KCNJ6: variants seen among roughly 807,000 people sequenced by gnomAD.
The protein encoded by KCNJ6 is potassium inwardly rectifying channel subfamily J member 6.
Under a neutral mutation model 34.2 loss-of-function variants are expected in KCNJ6, and 9 were observed. The ratio of observed to expected loss-of-function variants is 0.26; its 90% CI spans 0.16 to 0.46. The LOEUF is 0.46. Ranked by LOEUF, KCNJ6 falls within the 20% of genes least tolerant of loss-of-function variation. KCNJ6 has a pLI of 1.00. For synonymous variants in KCNJ6, 196 were observed against 207.1 expected (o/e 0.95, Z 0.46); for missense variants, 236 against 531.3 (o/e 0.44, Z 5.46).
intron 3 of KCNJ6, among the ~76,000 whole-genome samples, chr21:37,639,224 T>C (rs2054370838): frequency 6.6e-6 from 1 of 152,240 alleles, no homozygotes; most frequent in South Asian, 2.1e-4. Context: ...TCCTTTGATT[T>C]TTCACTAGGA....
intron 2 of KCNJ6, among the ~76,000 whole-genome samples, chr21:37,796,887 G>A (rs2055245888): frequency 1.5e-5 from 2 of 137,374 alleles, no homozygotes; most frequent in South Asian, 2.4e-4. Flanking sequence ...TCCGCTTCCC[G>A]GGTTCACGCC....
Position 37,753,439 on chromosome 21 carries a change from G to A in KCNJ6, c.26-38308C>T, listed in dbSNP as rs386818402. On this transcript the variant is annotated intron_variant, in intron 2 of 3. Transcript: ENST00000609713. ...CTTCAACCAGGCGTAAATTGCAAAG[G>A]GCAGCAGAGTGTTCTGTTCGCACAT... Among the ~76,000 whole-genome samples the A allele has an allele frequency of 2.1e-3, 318 of 152,274 alleles. 2 individuals carry two copies. Among genetic ancestry groups the A allele is most frequent in the African/African-American group, 7.3e-3 (305 of 41,558 alleles).
At chr21:37,874,761 T>C (rs183818705) in intron 1 of KCNJ6, among the ~76,000 whole-genome samples, 66 of 152,328 alleles carry the variant, frequency 4.3e-4, no homozygotes, top group Non-Finnish European at 9.1e-4. Flanking sequence ...AGAGTCACTA[T>C]GTCTGTCCCT....
chr21:37,707,080 C>T (rs2123443066), intron 3 of KCNJ6, among the ~76,000 whole-genome samples: 2 of 143,012 alleles, frequency 1.4e-5, no homozygotes, highest in South Asian at 4.8e-4. Context: ...CTCATTAATT[C>T]AGATCCCATC....
At chr21:37,901,607 C>T (rs1339135128) in intron 1 of KCNJ6, among the ~76,000 whole-genome samples, 2 of 152,134 alleles carry the variant, frequency 1.3e-5, no homozygotes, top group Non-Finnish European at 2.9e-5. Flanking sequence ...TTGACTCAAC[C>T]AGGAATAAAC....
At chr21:37,668,802 C>G (rs1225773066) in intron 3 of KCNJ6, among the ~76,000 whole-genome samples, 1 of 152,184 alleles carries the variant, frequency 6.6e-6, no homozygotes, top group Non-Finnish European at 1.5e-5. Context: ...TATATACTGA[C>G]TCTAGTATAA....
chr21:37,684,948 A>T (rs574969162), intron 3 of KCNJ6, among the ~76,000 whole-genome samples: 1 of 152,378 alleles, frequency 6.6e-6, no homozygotes, highest in Non-Finnish European at 1.5e-5. Context: ...ACTACATAAA[A>T]TAAATATATT....
At chr21:37,833,359 T>C (rs754046454) in intron 2 of KCNJ6, among the ~76,000 whole-genome samples, 41 of 152,180 alleles carry the variant, frequency 2.7e-4, no homozygotes, top group Non-Finnish European at 2.9e-5. Context: ...CTCTGTCTTC[T>C]GGTGACCATA....
At chr21:37,787,069 C>T (rs958378333) in intron 2 of KCNJ6, among the ~76,000 whole-genome samples, 1 of 152,152 alleles carries the variant, frequency 6.6e-6, no homozygotes, top group Non-Finnish European at 1.5e-5. Context: ...TACTTTTGGT[C>T]TCAGTTGACC....
intron 1 of KCNJ6, among the ~76,000 whole-genome samples, chr21:37,864,871 CTTTTT>C (rs67735635): frequency 3.7e-4 from 53 of 142,798 alleles, no homozygotes; most frequent in African/African-American, 1.3e-3. Context: ...GTCTCTCTCT[CTTTTT>C]TTTTTTTTTT....
Position 37,615,542 on chromosome 21 carries a change from C to A in KCNJ6, c.*9617G>T, listed in dbSNP as rs886215181. The A allele has an allele frequency of 1.3e-5, 2 of 152,126 alleles. 1 individual carries two copies. Among genetic ancestry groups the A allele is most frequent in the Non-Finnish European group, 2.9e-5 (2 of 68,022 alleles). The allele number at this position is 152,126 out of a possible 1,614,324, so 9.4% of individuals were successfully genotyped here. A position where few individuals can be genotyped will look rare whatever the true frequency, so the allele number is the denominator to read the frequency against. The stretch of plus-strand genomic sequence containing the variant: ...GCTCTGAAAGTTTCAGTGGTAAATT[C>A]CACTTTACCTTTTATGCCAATATAG... On this transcript the variant is annotated 3_prime_UTR_variant, in exon 4 of 4. Transcript: ENST00000609713.
intron 3 of KCNJ6, among the ~76,000 whole-genome samples, chr21:37,688,962 T>C (rs1220452217): frequency 6.6e-6 from 1 of 152,250 alleles, no homozygotes; most frequent in Non-Finnish European, 1.5e-5. Context: ...GAGATACATT[T>C]AGATATATGT....
chr21:37,879,335 T>C (rs1414383638), intron 1 of KCNJ6, among the ~76,000 whole-genome samples: 4 of 152,134 alleles, frequency 2.6e-5, no homozygotes, highest in Non-Finnish European at 1.5e-5. Flanking sequence ...GTGGGTTGCA[T>C]TTACTGGACC....
intron 3 of KCNJ6, among the ~76,000 whole-genome samples, chr21:37,687,721 G>T (rs535573537): frequency 3.3e-5 from 5 of 152,290 alleles, no homozygotes; most frequent in Admixed American, 2.6e-4. Flanking sequence ...CTCTGAGCTT[G>T]TTAGGATTTC....
chr21:37,858,302 A>C (rs1461164280), intron 1 of KCNJ6, among the ~76,000 whole-genome samples: 4 of 146,748 alleles, frequency 2.7e-5, no homozygotes, highest in Non-Finnish European at 1.5e-5. Context: ...CTGAGGCAGG[A>C]GAATGGCGTG....
chr21:37,700,962 T>C (rs370067521), intron 3 of KCNJ6, among the ~76,000 whole-genome samples: 67 of 152,214 alleles, frequency 4.4e-4, no homozygotes, highest in African/African-American at 1.6e-3. Flanking sequence ...GGCCAGGTCA[T>C]TTCCGACCTG....
At chr21:37,838,950 A>G (rs2055465558) in intron 2 of KCNJ6, among the ~76,000 whole-genome samples, 1 of 151,898 alleles carries the variant, frequency 6.6e-6, no homozygotes, top group East Asian at 1.9e-4. Context: ...CCCTCCCCCT[A>G]CTTCCTCCTG....
chr21:37,853,853 T>TATATATATATATATATAC (rs58043642), intron 1 of KCNJ6, among the ~76,000 whole-genome samples: 5,532 of 142,160 alleles, frequency 0.039, 426 homozygotes, highest in East Asian at 0.32. Context: ...TATGTATATA[T>TATATATATATATATATAC]ATATATATAA....
intron 1 of KCNJ6, among the ~76,000 whole-genome samples, chr21:37,906,400 G>C (rs1488072924): frequency 6.6e-6 from 1 of 152,186 alleles, no homozygotes. Flanking sequence ...GCTGTGAGAA[G>C]GGGCATTGTG....
Sources: gnomAD v4.1 joint callset for allele counts (sites outside exome capture counted in the v4.1 genomes callset) on GRCh38, gnomAD v4.1.1 for gene constraint, MANE v1.5 for transcripts, NCBI Gene and HGNC (gene_info 2026-07-23, HGNC 2026-07-21) for gene names.